Variants in ADIPOR2 observed in about 807,000 individuals in gnomAD.
The protein encoded by ADIPOR2 is adiponectin receptor 2, also known as adiponectin receptor protein 2.
ADIPOR2 carries 18 observed loss-of-function variants against 40.9 expected under a neutral mutation model. That is an observed-to-expected ratio of 0.44 (90% CI 0.30 to 0.65). The LOEUF is 0.65. Among genes scored for constraint, ADIPOR2 ranks in the 30% least tolerant of loss-of-function variants. ADIPOR2 has a pLI of 0.09. For synonymous variants in ADIPOR2, 165 were observed against 166.4 expected (o/e 0.99, Z 0.06); for missense variants, 283 against 479.2 (o/e 0.59, Z 3.82).
At chr12:1,719,473 T>G (rs1413677546) in intron 1 of ADIPOR2, among the ~76,000 whole-genome samples, 1 of 152,246 alleles carries the variant, frequency 6.6e-6, no homozygotes, top group Non-Finnish European at 1.5e-5. Context: ...ATTTAGTAAC[T>G]ATATGAACAT....
chr12:1,748,339 C>T (rs932828394), intron 1 of ADIPOR2, among the ~76,000 whole-genome samples: 3 of 152,088 alleles, frequency 2.0e-5, no homozygotes, highest in East Asian at 1.9e-4. Context: ...AACTCCGCCT[C>T]CCGGGTTCAC....
chr12:1,757,958 C>T (rs1862178483), intron 2 of ADIPOR2: 4 of 1,059,936 alleles, frequency 3.8e-6, no homozygotes, highest in Non-Finnish European at 5.9e-6. Context: ...TATCCAGCAT[C>T]CAATGCTTTG....
At chr12:1,744,255 C>T (rs1316713164) in intron 1 of ADIPOR2, among the ~76,000 whole-genome samples, 1 of 152,022 alleles carries the variant, frequency 6.6e-6, no homozygotes, top group African/African-American at 2.4e-5. Flanking sequence ...CAGGCAGCCG[C>T]CACCACACCT....
At chr12:1,751,653 A>G (rs750120831) in intron 1 of ADIPOR2, among the ~76,000 whole-genome samples, 1 of 152,074 alleles carries the variant, frequency 6.6e-6, no homozygotes, top group African/African-American at 2.4e-5. Flanking sequence ...TACTACAGCC[A>G]TGAGCCACGT....
chr12:1,748,693 T>C lies in ADIPOR2; in HGVS notation c.-86-5565T>C, dbSNP rs557217932. 2.6e-5 allele frequency among the ~76,000 whole-genome samples: 4 copies of C among 152,220 alleles called. No homozygotes were observed. The South Asian group carries it at 8.3e-4, about 32-fold the overall frequency. On this transcript the variant is annotated intron_variant, in intron 1 of 7. Coordinates refer to ENST00000357103, the MANE Select transcript of ADIPOR2 (RefSeq NM_024551.3). ...GCACCATTTATTGAAAAGGTTATCC[T>C]TCCATTATTGAATTGCTTTGGATAT...
At chr12:1,724,195 C>G (rs2094703364) in intron 1 of ADIPOR2, among the ~76,000 whole-genome samples, 2 of 152,072 alleles carry the variant, frequency 1.3e-5, no homozygotes, top group African/African-American at 4.8e-5. Context: ...GTTGGCCAGG[C>G]TGGTCTTGAA....
chr12:1,703,195 C>T (rs368574093), intron 1 of ADIPOR2, among the ~76,000 whole-genome samples: 14 of 152,200 alleles, frequency 9.2e-5, no homozygotes, highest in African/African-American at 3.1e-4. Flanking sequence ...TAGAGCTATA[C>T]GTTGTGACAT....
chr12:1,702,508 TACC>T (rs1222776877), intron 1 of ADIPOR2, among the ~76,000 whole-genome samples: 2 of 152,316 alleles, frequency 1.3e-5, no homozygotes, highest in African/African-American at 2.4e-5. Flanking sequence ...TGTGAAATGT[TACC>T]ACATTGTCTT....
At position 1,765,592 on chromosome 12, in the gene ADIPOR2, A is replaced by T. The variant is rs114231047; in HGVS notation, c.172-7250A>T. Among the ~76,000 whole-genome samples, 464 of 152,346 alleles carry T rather than the reference A, an allele frequency of 3.0e-3. 3 individuals carry two copies. The highest frequency in any genetic ancestry group is 0.011 in the African/African-American group (447 of 41,584). The stretch of plus-strand genomic sequence containing the variant: ...TACTCTGTCCTTCCTTTATAATAGT[A>T]CTTGACTACTCCATAACTGTAGTAA... On this transcript the variant is annotated intron_variant, in intron 2 of 7. Coordinates refer to ENST00000357103, the MANE Select transcript of ADIPOR2 (RefSeq NM_024551.3).
intron 3 of ADIPOR2, among the ~76,000 whole-genome samples, chr12:1,776,852 G>A (rs1321128883): frequency 6.6e-6 from 1 of 152,228 alleles, no homozygotes; most frequent in African/African-American, 2.4e-5. Context: ...AGATGCCAGG[G>A]ATTACTAACT....
At chr12:1,712,046 G>A (rs1347420103) in intron 1 of ADIPOR2, among the ~76,000 whole-genome samples, 1 of 152,132 alleles carries the variant, frequency 6.6e-6, no homozygotes, top group Non-Finnish European at 1.5e-5. Context: ...CCCTGGGGGA[G>A]GAGGCTTACT....
chr12:1,697,371 C>G (rs761683360), intron 1 of ADIPOR2: 3 of 152,586 alleles, frequency 2.0e-5, no homozygotes, highest in Non-Finnish European at 1.5e-5. Context: ...GATTCTGAGT[C>G]TGTCCTATTT....
chr12:1,715,574 T>G (rs2094685879), intron 1 of ADIPOR2, among the ~76,000 whole-genome samples: 1 of 152,124 alleles, frequency 6.6e-6, no homozygotes, highest in South Asian at 2.1e-4. Flanking sequence ...GCCTATAGAA[T>G]TCCCCTCTGG....
At chr12:1,735,263 T>C (rs1482705772) in intron 1 of ADIPOR2, among the ~76,000 whole-genome samples, 1 of 152,206 alleles carries the variant, frequency 6.6e-6, no homozygotes, top group Non-Finnish European at 1.5e-5. Context: ...TGTCCTCTTT[T>C]ACTTCATTGA....
intron 1 of ADIPOR2, among the ~76,000 whole-genome samples, chr12:1,705,621 C>G (rs1428218834): frequency 2.0e-5 from 3 of 152,140 alleles, no homozygotes; most frequent in Non-Finnish European, 4.4e-5. Flanking sequence ...ATTCCAGAAT[C>G]TGAAAAAATT....
At chr12:1,705,489 C>CT (rs1460239058) in intron 1 of ADIPOR2, among the ~76,000 whole-genome samples, 2 of 152,110 alleles carry the variant, frequency 1.3e-5, no homozygotes, top group African/African-American at 4.8e-5. Flanking sequence ...GCAGTCAGAA[C>CT]TTTGTTTCAT....
At chr12:1,747,203 A>G (rs1182131264) in intron 1 of ADIPOR2, among the ~76,000 whole-genome samples, 2 of 152,230 alleles carry the variant, frequency 1.3e-5, no homozygotes, top group East Asian at 1.9e-4. Flanking sequence ...GATAGACCAT[A>G]TACTATGCCA....
chr12:1,785,780 A>C (rs1862816952), intron 7 of ADIPOR2, among the ~76,000 whole-genome samples, 164 bp from the exon 8 acceptor site: 1 of 152,196 alleles, frequency 6.6e-6, no homozygotes, highest in Non-Finnish European at 1.5e-5. Flanking sequence ...TGTTACACCT[A>C]ATGGATGTTC....
chr12:1,780,998 T>G lies in ADIPOR2; in HGVS notation c.760T>G (p.Cys254Gly). ...QPCFIYLIVI[C>G]VLGIAAIIVS... Reference sequence around the variant, plus strand: ...TTGCTTCATCTACTTGATTGTCATCTGTGTGCTGGGCATTGCAGCCATTAT... The same window carrying G: ...TTGCTTCATCTACTTGATTGTCATCGGTGTGCTGGGCATTGCAGCCATTAT... Residue 254 changes from cysteine to glycine, a missense_variant, in exon 6 of 8, where the codon TGT becomes GGT. Coordinates refer to ENST00000357103, the MANE Select transcript of ADIPOR2 (RefSeq NM_024551.3). The G allele has an allele frequency of 1.9e-6, 3 of 1,614,004 alleles. No individual in the cohort carries two copies. Among genetic ancestry groups the G allele is most frequent in the Non-Finnish European group, 2.5e-6 (3 of 1,179,944 alleles).
Sources: gnomAD v4.1 joint callset for allele counts (sites outside exome capture counted in the v4.1 genomes callset) on GRCh38, gnomAD v4.1.1 for gene constraint, MANE v1.5 for transcripts, NCBI Gene and HGNC (gene_info 2026-07-23, HGNC 2026-07-21) for gene names.